The following CSMD1 variants were observed in gnomAD, a reference collection of about 807,000 sequenced individuals.
CSMD1 encodes the protein CUB and sushi domain-containing protein 1.
Under a neutral mutation model 417.5 loss-of-function variants are expected in CSMD1, and 213 were observed. That is an observed-to-expected ratio of 0.51 (90% CI 0.46 to 0.57). The LOEUF is 0.57. Among genes scored for constraint, CSMD1 ranks in the 20% least tolerant of loss-of-function variants. The pLI is 0.00. For synonymous variants in CSMD1, 2,862 were observed against 1,736.8 expected (o/e 1.65, Z -16.11); for missense variants, 6,923 against 4,529.7 (o/e 1.53, Z -15.17).
chr8:2,957,841 C>T, intron 62 of CSMD1, 34 bp from the exon 63 acceptor site: 1 of 1,408,334 alleles, frequency 7.1e-7, no homozygotes, highest in African/African-American at 1.4e-5. Flanking sequence ...CTTCAGAGGC[C>T]AAGGGAATAT....
At chr8:4,348,473 A>G (rs143019265) in intron 3 of CSMD1, among the ~76,000 whole-genome samples, 48 of 152,174 alleles carry the variant, frequency 3.2e-4, no homozygotes, top group African/African-American at 1.2e-3. Flanking sequence ...AAGTATCTTC[A>G]TATTTCTTTC....
rs181251409 is a variant in CSMD1 at position 3,480,025 on chromosome 8, G to A, written c.1449-11201C>T. 9.1e-4 allele frequency among the ~76,000 whole-genome samples: 138 copies of A among 152,174 alleles called. 2 individuals are homozygous for A. The East Asian group carries it at 0.026, about 28-fold the overall frequency. On this transcript the variant is annotated intron_variant, in intron 11 of 69. Transcript: ENST00000635120. ...AGAATCAGTGAACTTGAGATCAATG[G>A]AATTCTCCTACACTAAACAACAGAG...
chr8:4,174,064 G>A (rs2656282), intron 3 of CSMD1, among the ~76,000 whole-genome samples: 127,243 of 152,182 alleles, frequency 0.84, 54,246 homozygotes, highest in South Asian at 0.95. Context: ...TGGGCCACCT[G>A]CCTGCTTATG....
chr8:2,987,454 T>A (rs1300995407), intron 54 of CSMD1, among the ~76,000 whole-genome samples: 1 of 148,958 alleles, frequency 6.7e-6, no homozygotes, highest in Non-Finnish European at 1.5e-5. Flanking sequence ...TATAAAGAAG[T>A]ATATTTCTAT....
chr8:3,357,722 C>G (rs1808886995), intron 21 of CSMD1, among the ~76,000 whole-genome samples: 1 of 152,150 alleles, frequency 6.6e-6, no homozygotes, highest in Non-Finnish European at 1.5e-5. Context: ...AGTCTTTAGA[C>G]TCCAACCAAT....
intron 3 of CSMD1, among the ~76,000 whole-genome samples, chr8:4,302,317 T>C (rs1259654212): frequency 2.0e-5 from 3 of 152,178 alleles, no homozygotes; most frequent in Admixed American, 2.0e-4. Flanking sequence ...CATTAGCTAA[T>C]AACTGTAAAA....
rs531866540 is a variant in CSMD1 at position 4,946,921 on chromosome 8, T to C, written c.85+47411A>G. On this transcript the variant is annotated intron_variant, in intron 1 of 69. Transcript: ENST00000635120. ...ATGTTTCTTTTAGAAAGACAGAGCA[T>C]ATGTACATACGTATTTTAATATTTC... Among the ~76,000 whole-genome samples the C allele has an allele frequency of 1.1e-4, 16 of 152,334 alleles. No individual in the cohort carries two copies. The South Asian group carries it at 3.1e-3, about 30-fold the overall frequency.
chr8:3,715,605 C>A lies in CSMD1; in HGVS notation c.932-7114G>T, dbSNP rs537213286. On this transcript the variant is annotated intron_variant, in intron 6 of 69. Transcript: ENST00000635120. ...TCATCCACGCTGGAGTGCAGTGACACAATCTGGACTCACTGCAACCTCCAC... is the reference window on the plus strand; with the variant it reads ...TCATCCACGCTGGAGTGCAGTGACAAAATCTGGACTCACTGCAACCTCCAC... 5.3e-5 allele frequency among the ~76,000 whole-genome samples: 8 copies of A among 152,276 alleles called. No individual in the cohort carries two copies. In the East Asian group the frequency reaches 1.4e-3, roughly 26 times the overall value.
chr8:3,495,392 G>A (rs1042222916), intron 10 of CSMD1, among the ~76,000 whole-genome samples: 14 of 151,938 alleles, frequency 9.2e-5, no homozygotes, highest in African/African-American at 2.7e-4. Flanking sequence ...ATGTTTGGCT[G>A]ATTTGCAATG....
intron 3 of CSMD1, among the ~76,000 whole-genome samples, chr8:4,288,221 G>A (rs999887797): frequency 6.6e-6 from 1 of 152,086 alleles, no homozygotes; most frequent in Non-Finnish European, 1.5e-5. Context: ...CGTCCACTCA[G>A]GGCCTGGCAG....
chr8:4,575,940 A>T (rs988247427), intron 2 of CSMD1, among the ~76,000 whole-genome samples: 8 of 152,336 alleles, frequency 5.3e-5, no homozygotes, highest in Admixed American at 5.2e-4. Flanking sequence ...ATCCCACAGC[A>T]CATCACCAAA....
chr8:3,277,782 G>C (rs1257398972), intron 26 of CSMD1, among the ~76,000 whole-genome samples: 2 of 152,164 alleles, frequency 1.3e-5, no homozygotes, highest in African/African-American at 2.4e-5. Flanking sequence ...TTCCTTAGGA[G>C]TACCAGAATT....
intron 3 of CSMD1, among the ~76,000 whole-genome samples, chr8:4,294,461 T>C (rs1246715100): frequency 6.6e-6 from 1 of 152,116 alleles, no homozygotes; most frequent in Non-Finnish European, 1.5e-5. Flanking sequence ...ATGATAATGA[T>C]CTAAATCACT....
intron 5 of CSMD1, among the ~76,000 whole-genome samples, chr8:3,783,303 G>C (rs1035931091): frequency 6.6e-6 from 1 of 152,198 alleles, no homozygotes; most frequent in African/African-American, 2.4e-5. Flanking sequence ...TACTGGGATG[G>C]ATGGGAAACA....
At chr8:4,813,779 T>C (rs1001228304) in intron 1 of CSMD1, among the ~76,000 whole-genome samples, 9 of 152,192 alleles carry the variant, frequency 5.9e-5, no homozygotes, top group African/African-American at 1.9e-4. Flanking sequence ...AATTTTACTG[T>C]TGCTTGAGAA....
intron 5 of CSMD1, among the ~76,000 whole-genome samples, chr8:3,860,976 A>G (rs984378235): frequency 4.6e-5 from 7 of 152,236 alleles, no homozygotes; most frequent in African/African-American, 1.7e-4. Context: ...GAAATGACAA[A>G]TGAAAGACAA....
At chr8:4,849,847 T>C (rs1352732301) in intron 1 of CSMD1, among the ~76,000 whole-genome samples, 2 of 152,230 alleles carry the variant, frequency 1.3e-5, no homozygotes, top group Admixed American at 6.5e-5. Flanking sequence ...CTCATTGTTA[T>C]GTAACATGTA....
chr8:4,662,031 A>G lies in CSMD1; in HGVS notation c.86-24473T>C, dbSNP rs142388186. On this transcript the variant is annotated intron_variant, in intron 1 of 69. Transcript: ENST00000635120. ...TGATGAACAATTATATCATGGACAT[A>G]CACAGGTCAATGATGTAACTGTGTT... Among the ~76,000 whole-genome samples the G allele has an allele frequency of 1.9e-3, 286 of 152,302 alleles. 1 individual carries two copies. Among genetic ancestry groups the G allele is most frequent in the African/African-American group, 6.7e-3 (278 of 41,570 alleles).
Position 3,749,591 on chromosome 8 carries a change from A to G in CSMD1, c.931+4339T>C, listed in dbSNP as rs1584941574. On this transcript the variant is annotated intron_variant, in intron 6 of 69. Coordinates refer to ENST00000635120, the MANE Select transcript of CSMD1 (RefSeq NM_033225.6). ...ATTTATTTGACCAAGAAAAGCACCA[A>G]GTTAAAAAGAATATATTATTTGTCT... Among the ~76,000 whole-genome samples the G allele has an allele frequency of 5.9e-5, 9 of 152,344 alleles. No individual in the cohort carries two copies. In the South Asian group the frequency reaches 1.5e-3, roughly 25 times the overall value.
Sources: gnomAD v4.1 joint callset for allele counts (sites outside exome capture counted in the v4.1 genomes callset) on GRCh38, gnomAD v4.1.1 for gene constraint, MANE v1.5 for transcripts, NCBI Gene and HGNC (gene_info 2026-07-23, HGNC 2026-07-21) for gene names.